The following XKR6 variants were observed in gnomAD, a reference collection of about 807,000 sequenced individuals.
XKR6 encodes the protein XK related 6, also known as XK-related protein 6.
Under a neutral mutation model 56.7 loss-of-function variants are expected in XKR6, and 22 were observed. That is an observed-to-expected ratio of 0.39 (90% CI 0.28 to 0.55). XKR6 has a LOEUF of 0.55. Among genes scored for constraint, XKR6 ranks in the 20% least tolerant of loss-of-function variants. XKR6 has a pLI of 0.66. For synonymous variants in XKR6, 524 were observed against 387.8 expected (o/e 1.35, Z -4.13); for missense variants, 852 against 889.0 (o/e 0.96, Z 0.53).
rs1804015884 is a variant in XKR6 at position 11,198,514 on chromosome 8, CA to C, written c.764+2061del. Among the ~76,000 whole-genome samples the C allele has an allele frequency of 4.6e-5, 6 of 129,126 alleles. No homozygotes were observed. In the South Asian group the frequency reaches 1.4e-3, roughly 31 times the overall value. 84.7% of individuals were successfully genotyped at this position (129,126 alleles called of 152,430 possible). ...TATCAATGCAGAGGAAAGTTAAGAT[CA>C]GAAAAAAAAAAAATACTACCCTACA... On this transcript the variant is annotated intron_variant, in intron 1 of 2. Transcript: ENST00000416569.
intron 1 of XKR6, among the ~76,000 whole-genome samples, chr8:11,133,133 G>A (rs1800197871): frequency 1.3e-5 from 2 of 152,092 alleles, no homozygotes; most frequent in Admixed American, 1.3e-4. Flanking sequence ...CAAGGGAGAG[G>A]GTGTGGGTAC....
intron 1 of XKR6, among the ~76,000 whole-genome samples, chr8:11,078,828 G>A (rs1303762880): frequency 6.6e-6 from 1 of 152,196 alleles, no homozygotes; most frequent in East Asian, 1.9e-4. Flanking sequence ...CACCATAGGA[G>A]AAGAGTGGAC....
At chr8:10,944,525 C>T (rs1243991915) in intron 1 of XKR6, among the ~76,000 whole-genome samples, 1 of 152,204 alleles carries the variant, frequency 6.6e-6, no homozygotes, top group Non-Finnish European at 1.5e-5. Context: ...CACACAAATC[C>T]CACTTTCAGA....
intron 2 of XKR6, 103 bp downstream of exon 2, chr8:10,924,531 C>T: frequency 1.4e-6 from 2 of 1,405,484 alleles, no homozygotes; most frequent in Non-Finnish European, 1.9e-6. Context: ...GCAGGATGGG[C>T]AATGCCCACA....
chr8:11,001,146 A>G (rs987233114), intron 1 of XKR6, among the ~76,000 whole-genome samples: 2 of 152,230 alleles, frequency 1.3e-5, no homozygotes, highest in South Asian at 2.1e-4. Context: ...AACACGTGCT[A>G]TGTGTTAGGT....
At chr8:11,010,778 T>G (rs1224969666) in intron 1 of XKR6, among the ~76,000 whole-genome samples, 29 of 148,888 alleles carry the variant, frequency 1.9e-4, no homozygotes, top group South Asian at 4.3e-4. Context: ...CTCCCCACCT[T>G]TTTTTTTTTT....
intron 1 of XKR6, among the ~76,000 whole-genome samples, chr8:11,163,874 T>C (rs1409317102): frequency 6.6e-6 from 1 of 152,186 alleles, no homozygotes; most frequent in Non-Finnish European, 1.5e-5. Flanking sequence ...TTGTTCTAAA[T>C]CTTCTCTGTG....
intron 1 of XKR6, among the ~76,000 whole-genome samples, chr8:10,927,178 C>G (rs1800913416): frequency 6.6e-6 from 1 of 152,160 alleles, no homozygotes; most frequent in Non-Finnish European, 1.5e-5. Context: ...ATAGAAGGGC[C>G]AGGCTGATCA....
chr8:10,949,621 A>G (rs1248376789), intron 1 of XKR6, among the ~76,000 whole-genome samples: 1 of 152,254 alleles, frequency 6.6e-6, no homozygotes, highest in African/African-American at 2.4e-5. Flanking sequence ...TAACAGGGGA[A>G]TGTGACTGAA....
At chr8:10,961,202 G>T (rs928177065) in intron 1 of XKR6, among the ~76,000 whole-genome samples, 3 of 152,220 alleles carry the variant, frequency 2.0e-5, no homozygotes, top group Non-Finnish European at 4.4e-5. Context: ...CCACTGAAAA[G>T]ATTTAAACAG....
At chr8:10,949,241 C>T (rs955240843) in intron 1 of XKR6, among the ~76,000 whole-genome samples, 8 of 152,260 alleles carry the variant, frequency 5.3e-5, no homozygotes, top group African/African-American at 1.4e-4. Flanking sequence ...GCGGAACAAC[C>T]GTTTCTAAGT....
intron 1 of XKR6, among the ~76,000 whole-genome samples, chr8:10,948,878 G>A (rs1801630954): frequency 6.6e-6 from 1 of 152,224 alleles, no homozygotes; most frequent in African/African-American, 2.4e-5. Flanking sequence ...ACTGGAGCAG[G>A]CACAGCACCA....
intron 1 of XKR6, among the ~76,000 whole-genome samples, chr8:11,000,965 G>A (rs888330958): frequency 6.6e-6 from 1 of 152,172 alleles, no homozygotes. Context: ...TTTTCTGGCA[G>A]CCAAGTGTCC....
intron 1 of XKR6, among the ~76,000 whole-genome samples, chr8:11,039,200 C>CTT (rs1799222570): frequency 1.3e-5 from 2 of 152,218 alleles, no homozygotes; most frequent in African/African-American, 4.8e-5. Context: ...GGGGAGGCCA[C>CTT]CAGCCAATGT....
At chr8:11,002,730 C>T (rs1265621384) in intron 1 of XKR6, among the ~76,000 whole-genome samples, 1 of 152,214 alleles carries the variant, frequency 6.6e-6, no homozygotes, top group Non-Finnish European at 1.5e-5. Context: ...TTGTCTTCTT[C>T]CACCACCATC....
intron 1 of XKR6, among the ~76,000 whole-genome samples, chr8:11,150,609 T>C (rs1418496292): frequency 6.6e-6 from 1 of 152,052 alleles, no homozygotes; most frequent in Non-Finnish European, 1.5e-5. Context: ...TCCCAGCACT[T>C]CGGGAGGCCA....
intron 1 of XKR6, among the ~76,000 whole-genome samples, chr8:10,994,493 G>T (rs1037275153): frequency 2.0e-5 from 3 of 152,152 alleles, no homozygotes; most frequent in African/African-American, 7.2e-5. Context: ...GGCAGAGGTG[G>T]GCTCTGCAAG....
chr8:10,930,371 C>T (rs1801019127), intron 1 of XKR6, among the ~76,000 whole-genome samples: 1 of 152,098 alleles, frequency 6.6e-6, no homozygotes, highest in African/African-American at 2.4e-5. Flanking sequence ...TTCTACCAAA[C>T]AGAGTAGAAA....
At chr8:11,024,606 C>T (rs897820165) in intron 1 of XKR6, among the ~76,000 whole-genome samples, 3 of 152,254 alleles carry the variant, frequency 2.0e-5, no homozygotes, top group Non-Finnish European at 2.9e-5. Flanking sequence ...CTGTCCCATG[C>T]TGGCACTGTC....
Sources: gnomAD v4.1 joint callset for allele counts (sites outside exome capture counted in the v4.1 genomes callset) on GRCh38, gnomAD v4.1.1 for gene constraint, MANE v1.5 for transcripts, NCBI Gene and HGNC (gene_info 2026-07-23, HGNC 2026-07-21) for gene names.